The following NAALADL2 variants were observed in gnomAD, a reference collection of about 807,000 sequenced individuals.
NAALADL2 encodes inactive N-acetylated-alpha-linked acidic dipeptidase-like protein 2.
A neutral mutation model predicts 87.2 loss-of-function variants in NAALADL2; 76 were observed. That is an observed-to-expected ratio of 0.87 (90% CI 0.72 to 1.05). NAALADL2 has a LOEUF of 1.05. NAALADL2 is among the 50% of genes least tolerant of loss of function. The probability of loss-of-function intolerance (pLI) is 0.00; values close to 1 mark genes in which losing one functional copy is unlikely to be tolerated. For synonymous variants in NAALADL2, 354 were observed against 331.0 expected (o/e 1.07, Z -0.75); for missense variants, 1,089 against 945.8 (o/e 1.15, Z -1.99).
chr3:174,796,937 G>T (rs535921649), intron 3 of NAALADL2, among the ~76,000 whole-genome samples: 1 of 151,690 alleles, frequency 6.6e-6, no homozygotes, highest in South Asian at 2.1e-4. Context: ...TATTTGTTTT[G>T]CTGTGCAGAT....
intron 2 of NAALADL2, among the ~76,000 whole-genome samples, chr3:175,198,070 A>G (rs1739283645): frequency 6.6e-6 from 1 of 152,120 alleles, no homozygotes; most frequent in Non-Finnish European, 1.5e-5. Context: ...TTACTCTAAA[A>G]GTTTTGAATC....
At chr3:174,614,074 C>T (rs1166501710) in intron 2 of NAALADL2, among the ~76,000 whole-genome samples, 1 of 152,116 alleles carries the variant, frequency 6.6e-6, no homozygotes, top group African/African-American at 2.4e-5. Flanking sequence ...ACAAAGTCCT[C>T]TTCACTTTCG....
At chr3:175,119,787 G>GTA (rs909988827) in intron 2 of NAALADL2, among the ~76,000 whole-genome samples, 2 of 126,724 alleles carry the variant, frequency 1.6e-5, no homozygotes, top group African/African-American at 5.9e-5. Flanking sequence ...ATATATAAAA[G>GTA]TATATATATA....
At chr3:175,732,418 C>A (rs374830944) in intron 11 of NAALADL2, among the ~76,000 whole-genome samples, 128 of 152,190 alleles carry the variant, frequency 8.4e-4, no homozygotes, top group African/African-American at 2.8e-3. Flanking sequence ...ACCTGGGAGA[C>A]AAAATTAATT....
intron 1 of NAALADL2, among the ~76,000 whole-genome samples, chr3:174,888,158 C>T (rs1247833378): frequency 6.6e-6 from 1 of 152,072 alleles, no homozygotes; most frequent in Non-Finnish European, 1.5e-5. Flanking sequence ...AGAGACAAGA[C>T]CTTGAAACTT....
At position 175,463,011 on chromosome 3, in the gene NAALADL2, G is replaced by A. The variant is rs115201315; in HGVS notation, c.1235-390G>A. 3.1e-3 allele frequency among the ~76,000 whole-genome samples: 469 copies of A among 152,180 alleles called. 3 individuals carry two copies. The highest frequency in any genetic ancestry group is 0.01 in the African/African-American group (424 of 41,542). On this transcript the variant is annotated intron_variant, in intron 6 of 13. Coordinates refer to ENST00000454872, the MANE Select transcript of NAALADL2 (RefSeq NM_207015.3). ...ATGTTCTTTATCTGAAAATAGAAAA[G>A]CATTCAATATTCTTTGGAAATATTT... is the stretch of plus-strand genomic sequence containing the variant.
intron 5 of NAALADL2, among the ~76,000 whole-genome samples, chr3:175,328,612 T>G (rs1761032067): frequency 6.6e-6 from 1 of 152,162 alleles, no homozygotes; most frequent in Non-Finnish European, 1.5e-5. Context: ...TCTGGAATTC[T>G]AAGAGACTTT....
At chr3:175,625,938 G>T (rs1413688182) in intron 10 of NAALADL2, among the ~76,000 whole-genome samples, 1 of 151,888 alleles carries the variant, frequency 6.6e-6, no homozygotes, top group Non-Finnish European at 1.5e-5. Flanking sequence ...TAAAGAGAAG[G>T]CATTGATTTT....
intron 2 of NAALADL2, among the ~76,000 whole-genome samples, chr3:175,203,768 A>G (rs983552371): frequency 2.0e-4 from 30 of 152,330 alleles, no homozygotes; most frequent in African/African-American, 6.7e-4. Context: ...AGATATTACA[A>G]CTGACACCAC....
In NAALADL2 at chr3:175,330,140, C is replaced by A. The variant is rs2110487797; in HGVS notation, c.1090+5815C>A. Among the ~76,000 whole-genome samples the A allele has an allele frequency of 2.6e-5, 4 of 152,182 alleles. No individual in the cohort carries two copies. In the Middle Eastern group the frequency reaches 0.01, roughly 388 times the overall value. ...TTTCCACAAAAATCCATGATGAATTCTGAGGATGATAAAATCCACTGCTAA... is the reference window on the plus strand; with the variant it reads ...TTTCCACAAAAATCCATGATGAATTATGAGGATGATAAAATCCACTGCTAA... On this transcript the variant is annotated intron_variant, in intron 5 of 13. Coordinates refer to ENST00000454872, the MANE Select transcript of NAALADL2 (RefSeq NM_207015.3).
chr3:175,615,526 G>T (rs1725220832), intron 10 of NAALADL2, among the ~76,000 whole-genome samples: 2 of 152,024 alleles, frequency 1.3e-5, no homozygotes, highest in Admixed American at 1.3e-4. Context: ...TTGCCATAAA[G>T]CAAATATTCA....
intron 5 of NAALADL2, among the ~76,000 whole-genome samples, chr3:175,325,228 C>G (rs1055301640): frequency 1.3e-5 from 2 of 152,116 alleles, no homozygotes; most frequent in African/African-American, 4.8e-5. Context: ...TCTATGTTAA[C>G]TTTACCAATT....
At chr3:175,233,169 G>A (rs539415751) in intron 2 of NAALADL2, among the ~76,000 whole-genome samples, 1 of 152,168 alleles carries the variant, frequency 6.6e-6, no homozygotes, top group East Asian at 1.9e-4. Flanking sequence ...ATGTAATTTG[G>A]CATAAAATTT....
intron 2 of NAALADL2, among the ~76,000 whole-genome samples, chr3:175,195,865 C>G (rs1053350486): frequency 6.6e-6 from 1 of 151,856 alleles, no homozygotes; most frequent in Non-Finnish European, 1.5e-5. Context: ...TATCAGAGTT[C>G]TCTTCTATAG....
chr3:175,565,582 G>A (rs981328899), intron 9 of NAALADL2, among the ~76,000 whole-genome samples: 7 of 151,854 alleles, frequency 4.6e-5, no homozygotes, highest in African/African-American at 1.7e-4. Context: ...GCCTCATGCT[G>A]TTGTCCATTC....
intron 2 of NAALADL2, among the ~76,000 whole-genome samples, chr3:174,588,019 A>G (rs964679086): frequency 6.6e-6 from 1 of 152,138 alleles, no homozygotes; most frequent in Non-Finnish European, 1.5e-5. Context: ...AATCAGATGT[A>G]GATTTGTTCT....
At chr3:174,742,869 T>G (rs1733889715) in intron 3 of NAALADL2, among the ~76,000 whole-genome samples, 1 of 151,706 alleles carries the variant, frequency 6.6e-6, no homozygotes, top group Non-Finnish European at 1.5e-5. Context: ...GGACTGTTAT[T>G]TAATACAAAA....
intron 4 of NAALADL2, among the ~76,000 whole-genome samples, chr3:175,305,679 C>T (rs1458029617): frequency 3.9e-5 from 6 of 151,992 alleles, no homozygotes; most frequent in Non-Finnish European, 8.8e-5. Context: ...TGCACCACCA[C>T]GCCCGGCTAA....
At chr3:175,787,450 A>T (rs1275040862) in intron 13 of NAALADL2, among the ~76,000 whole-genome samples, 2 of 152,104 alleles carry the variant, frequency 1.3e-5, no homozygotes, top group Non-Finnish European at 2.9e-5. Context: ...AAAGCACAAT[A>T]TTCGGATGGG....
Sources: allele counts gnomAD v4.1 joint callset (sites outside exome capture counted in the v4.1 genomes callset), GRCh38; gene constraint gnomAD v4.1.1; transcripts MANE v1.5; gene names NCBI Gene and HGNC (gene_info 2026-07-23, HGNC 2026-07-21).